UBAP2: variants seen among roughly 807,000 people sequenced by gnomAD.
UBAP2 encodes ubiquitin-associated protein 2.
UBAP2 carries 75 observed loss-of-function variants against 139.6 expected under a neutral mutation model. The ratio of observed to expected loss-of-function variants is 0.54; its 90% CI spans 0.45 to 0.65. UBAP2 has a LOEUF of 0.65. Ranked by LOEUF, UBAP2 falls within the 30% of genes least tolerant of loss-of-function variation. The pLI is 0.00. For synonymous variants in UBAP2, 526 were observed against 526.2 expected (o/e 1.00, Z 0.01); for missense variants, 1,368 against 1,369.6 (o/e 1.00, Z 0.02).
chr9:33,927,890 T>C lies in UBAP2; in HGVS notation c.2278A>G (p.Ser760Gly). 4 of 1,614,134 alleles carry C rather than the reference T, an allele frequency of 2.5e-6. No homozygotes were observed. The African/African-American group carries it at 4.0e-5, about 16-fold the overall frequency. The change falls in exon 20 of 29, where the codon AGT (serine) becomes GGT (glycine). Residue 760 changes from serine (S) to glycine (G), a missense_variant. Physicochemically the swap from Ser to Gly is moderately conservative, Grantham distance 56. Coordinates refer to ENST00000379238, the MANE Select transcript of UBAP2 (RefSeq NM_001370062.2). ...SSASSGASLSSSMNTANSLCL... is the reference protein window; with the variant it reads ...SSASSGASLSGSMNTANSLCL... ...AGGCTGTTCGCGGTGTTCATGCTAC[T>C]GGACAGGCTGGCGCCTGAGGATGCG...
chr9:33,953,612 G>T, intron 11 of UBAP2, 138 bp from the exon 12 acceptor site: 2 of 771,898 alleles, frequency 2.6e-6, no homozygotes, highest in Non-Finnish European at 4.0e-6. Flanking sequence ...GGTTTAAGGG[G>T]GCAAAAGGAG....
intron 17 of UBAP2, chr9:33,934,253 T>A (rs1824260135): frequency 6.4e-6 from 1 of 156,426 alleles, no homozygotes; most frequent in Non-Finnish European, 1.5e-5. Context: ...ATAAATGAGC[T>A]TCGTAGGCTT....
At chr9:34,035,698 G>C (rs373918621) in intron 1 of UBAP2, among the ~76,000 whole-genome samples, 8 of 150,682 alleles carry the variant, frequency 5.3e-5, no homozygotes, top group South Asian at 2.1e-4. Flanking sequence ...AATAAAGAAA[G>C]AAACAAACAA....
intron 1 of UBAP2, among the ~76,000 whole-genome samples, chr9:34,043,958 T>C (rs1398226389): frequency 3.3e-5 from 5 of 151,118 alleles, no homozygotes; most frequent in African/African-American, 4.9e-5. Flanking sequence ...CAAAATCCTG[T>C]CTCTACAAAA....
At chr9:33,980,220 C>CTTTTT (rs1173781682) in intron 6 of UBAP2, among the ~76,000 whole-genome samples, 498 of 49,150 alleles carry the variant, frequency 0.01, 137 homozygotes, top group East Asian at 0.038. Flanking sequence ...AGTGTCATTT[C>CTTTTT]TTTTTTTTTT....
At chr9:33,931,807 A>G (rs1228600076) in intron 19 of UBAP2, among the ~76,000 whole-genome samples, 2 of 151,856 alleles carry the variant, frequency 1.3e-5, no homozygotes, top group Non-Finnish European at 2.9e-5. Context: ...CTGCACCCTA[A>G]TCCTTCCTCC....
chr9:33,944,555 G>A lies in UBAP2; in HGVS notation c.1355C>T (p.Pro452Leu). Residue 452 changes from proline to leucine, a missense_variant, in exon 14 of 29, where the codon CCT becomes CTT. Coordinates refer to ENST00000379238, the MANE Select transcript of UBAP2 (RefSeq NM_001370062.2). ...AGGAAAGGACTCCAAACCAGGAGGA[G>A]GAACAGTGACTGCCTGGCTCTGGTG... is the stretch of plus-strand genomic sequence containing the variant. The part of the protein sequence containing the change: ...QQHQSQAVTV[P>L]PPGLESFPSQ... The A allele has an allele frequency of 1.2e-6, 2 of 1,614,172 alleles. No individual in the cohort carries two copies. The highest frequency in any genetic ancestry group is 2.2e-5 in the East Asian group (1 of 44,876).
intron 1 of UBAP2, among the ~76,000 whole-genome samples, chr9:34,024,077 G>C (rs1012987660): frequency 3.4e-5 from 5 of 148,846 alleles, no homozygotes; most frequent in Admixed American, 3.3e-4. Flanking sequence ...GCAAATACAA[G>C]GATGGGCGCG....
chr9:33,936,453 C>T (rs1824524663), intron 16 of UBAP2, among the ~76,000 whole-genome samples: 1 of 151,882 alleles, frequency 6.6e-6, no homozygotes, highest in Admixed American at 6.6e-5. Flanking sequence ...ACCACTACAC[C>T]AGGCTAATGT....
chr9:33,966,280 T>C (rs573980784), intron 8 of UBAP2, among the ~76,000 whole-genome samples: 1 of 148,202 alleles, frequency 6.7e-6, no homozygotes, highest in Admixed American at 6.8e-5. Flanking sequence ...AAACCCTGTC[T>C]CTACTAAAAC....
chr9:34,027,043 T>A (rs915071975), intron 1 of UBAP2, among the ~76,000 whole-genome samples: 7 of 152,226 alleles, frequency 4.6e-5, no homozygotes, highest in Admixed American at 3.9e-4. Flanking sequence ...ACTGGTATAT[T>A]TCTGTGACCA....
chr9:33,963,934 T>C (rs1249227103), intron 8 of UBAP2, 143 bp from the exon 9 acceptor site: 4 of 631,404 alleles, frequency 6.3e-6, no homozygotes, highest in Admixed American at 2.5e-5. Context: ...TCCATACTCT[T>C]ACAGGTCACT....
chr9:33,949,141 T>TG (rs201943009), intron 12 of UBAP2, among the ~76,000 whole-genome samples: 11,993 of 151,774 alleles, frequency 0.079, 688 homozygotes, highest in Non-Finnish European at 0.12. Flanking sequence ...CACTACAGCC[T>TG]GGGCGACAGA....
At chr9:33,946,754 T>C (rs899318836) in intron 13 of UBAP2, among the ~76,000 whole-genome samples, 7 of 152,196 alleles carry the variant, frequency 4.6e-5, no homozygotes, top group African/African-American at 1.4e-4. Context: ...GGCGCATTCA[T>C]TTTTGAACTT....
rs761100974 is a variant in UBAP2 at position 33,922,564 on chromosome 9, C to T, written c.3300G>A (p.Leu1100=). 7.4e-6 allele frequency: 12 copies of T among 1,613,652 alleles called. No individual in the cohort carries two copies. In the East Asian group the frequency reaches 1.6e-4, roughly 21 times the overall value. Reference sequence around the variant, plus strand: ...GTTTGGAGGCTTGAGACTTGGGCTGCAGGGAGCTGGGCTGGCTGCGCTGAC... The same window carrying T: ...GTTTGGAGGCTTGAGACTTGGGCTGTAGGGAGCTGGGCTGGCTGCGCTGAC... The part of the protein sequence containing the change: ...GSGQRSQPSS[L]QPKSQASKPA... The change falls in exon 29 of 29, where the codon CTG becomes CTA. Residue 1100 remains leucine (L), a synonymous_variant. Coordinates refer to ENST00000379238, the MANE Select transcript of UBAP2 (RefSeq NM_001370062.2).
intron 6 of UBAP2, among the ~76,000 whole-genome samples, chr9:33,985,383 CT>C (rs1821115588): frequency 6.6e-6 from 1 of 152,254 alleles, no homozygotes; most frequent in South Asian, 2.1e-4. Context: ...AAGTGAAGCA[CT>C]ATTCACAATA....
At chr9:33,997,228 G>A (rs191632287) in intron 3 of UBAP2, 4 of 152,300 alleles carry the variant, frequency 2.6e-5, no homozygotes, top group East Asian at 1.9e-4. Flanking sequence ...ATTAGCAAGA[G>A]ATACTTGTTA....
intron 13 of UBAP2, among the ~76,000 whole-genome samples, chr9:33,947,198 G>A (rs539060258): frequency 6.6e-6 from 1 of 152,258 alleles, no homozygotes; most frequent in Admixed American, 6.5e-5. Context: ...AAACCCCGGA[G>A]TGGTCTCATG....
rs1467057690 is a variant in UBAP2 at position 34,035,252 on chromosome 9, C to T, written c.-42+13573G>A. Among the ~76,000 whole-genome samples, 7 of 151,790 alleles carry T rather than the reference C, an allele frequency of 4.6e-5. No homozygotes were observed. The Admixed American group carries it at 4.6e-4, about 10-fold the overall frequency. ...GCGCGGTGGCTCACGCCTGTAATCCCAGCACTTTGGGAGGCCGAGGCGGGC... is the reference window on the plus strand; with the variant it reads ...GCGCGGTGGCTCACGCCTGTAATCCTAGCACTTTGGGAGGCCGAGGCGGGC... On this transcript the variant is annotated intron_variant, in intron 1 of 28. Transcript: ENST00000379238.
Sources: allele counts gnomAD v4.1 joint callset (sites outside exome capture counted in the v4.1 genomes callset), GRCh38; gene constraint gnomAD v4.1.1; transcripts MANE v1.5; gene names NCBI Gene and HGNC (gene_info 2026-07-23, HGNC 2026-07-21).